RNF213: variants seen among roughly 807,000 people sequenced by gnomAD.
The protein encoded by RNF213 is E3 ubiquitin-protein ligase RNF213.
In RNF213, 341 loss-of-function variants were observed where a neutral mutation model predicts 514.4. The ratio of observed to expected loss-of-function variants is 0.66; its 90% CI spans 0.61 to 0.73. RNF213 has a LOEUF of 0.73. Ranked by LOEUF, RNF213 falls within the 30% of genes least tolerant of loss-of-function variation. The pLI is 0.00. For synonymous variants in RNF213, 2,655 were observed against 2,658.2 expected (o/e 1.00, Z 0.04); for missense variants, 5,767 against 6,615.6 (o/e 0.87, Z 4.45).
Position 80,358,403 on chromosome 17 carries a change from T to G in RNF213, c.10978T>G (p.Trp3660Gly), listed in dbSNP as rs2078913258. The stretch of plus-strand genomic sequence containing the variant: ...ACTGACCAGGCCAGATACTCCGCCC[T>G]GGGCAAGAGATCTTTGGATGTTTAT... ...ELLTRPDTPP[W>G]ARDLWMFIFS... The change falls in exon 37 of 68, where the codon TGG (tryptophan) becomes GGG (glycine). Residue 3660 changes from tryptophan (W) to glycine (G), a missense_variant. Physicochemically the swap from Trp to Gly is radical, Grantham distance 184. Transcript: ENST00000582970. The G allele has an allele frequency of 1.2e-6, 2 of 1,614,076 alleles. No homozygotes were observed. Among genetic ancestry groups the G allele is most frequent in the South Asian group, 2.2e-5 (2 of 91,094 alleles).
chr17:80,317,327 G>A lies in RNF213; in HGVS notation c.2901+50G>A, dbSNP rs764982473. On this transcript the variant is annotated intron_variant, in intron 16 of 67. Transcript: ENST00000582970. This position sits in a 1 kb window ranked among gnomAD's most constrained non-coding sequence, Gnocchi z 4.1. Reference sequence around the variant, plus strand: ...TTTCAGGGCGTGAAGGCAAGCTGGAGAACCCCAGACCATTAGCGACAGCCA... The same window carrying A: ...TTTCAGGGCGTGAAGGCAAGCTGGAAAACCCCAGACCATTAGCGACAGCCA... 2.6e-6 allele frequency: 4 copies of A among 1,550,274 alleles called. No individual in the cohort carries two copies. The highest frequency in any genetic ancestry group is 2.7e-5 in the African/African-American group (2 of 74,046).
chr17:80,297,232 A>G (rs1366038475), intron 10 of RNF213, among the ~76,000 whole-genome samples: 1 of 149,684 alleles, frequency 6.7e-6, no homozygotes, highest in African/African-American at 2.5e-5. Context: ...CAGGCGGATC[A>G]CAAGGTCAGG....
In RNF213 at chr17:80,358,326, C is replaced by A. The variant is rs765991711; in HGVS notation, c.10901C>A (p.Pro3634His). 19 of 1,614,164 alleles carry A rather than the reference C, an allele frequency of 1.2e-5. No homozygotes were observed. The South Asian group carries it at 1.4e-4, about 12-fold the overall frequency. ...AAGCGGGTCCAAGGTGCTGTCACCC[C>A]TCTGCTGGCGAGCATGATATCATTC... ...LWKRVQGAVTPLLASMISFID... is the reference protein window; with the variant it reads ...LWKRVQGAVTHLLASMISFID... The change falls in exon 37 of 68, where the codon CCT becomes CAT. Residue 3634 changes from proline (P) to histidine (H), a missense_variant. Pro to His is a moderately conservative substitution (Grantham distance 77). Around this residue, in one of 13 missense-constraint regions of RNF213, gnomAD observed 919 missense variants for 1,121.0 expected, o/e 0.82. Transcript: ENST00000582970.
chr17:80,295,620 A>T lies in RNF213; in HGVS notation c.1819A>T (p.Thr607Ser), dbSNP rs747745442. 3 of 1,614,062 alleles carry T rather than the reference A, an allele frequency of 1.9e-6. No individual in the cohort carries two copies. In the African/African-American group the frequency reaches 4.0e-5, roughly 22 times the overall value. ...HVVPLPDGKSTDFLPVDCPVR... is the reference protein window; with the variant it reads ...HVVPLPDGKSSDFLPVDCPVR... ...GGTACCATTGCCGGACGGAAAAAGC[A>T]CGGACTTTTTGCCTGTGGACTGCCC... Residue 607 changes from threonine (T) to serine (S), a missense_variant, in exon 10 of 68, where the codon ACG becomes TCG. Thr to Ser is a moderately conservative substitution (Grantham distance 58). Around this residue, in one of 13 missense-constraint regions of RNF213, gnomAD observed 592 missense variants for 673.9 expected, o/e 0.88. Coordinates refer to ENST00000582970, the MANE Select transcript of RNF213 (RefSeq NM_001256071.3).
chr17:80,340,795 T>A (rs1161276766), intron 26 of RNF213: 8 of 162,038 alleles, frequency 4.9e-5, no homozygotes, highest in African/African-American at 1.7e-4. Flanking sequence ...TAATTTATTT[T>A]TTTTTGTTTT....
At position 80,339,853 on chromosome 17, in the gene RNF213, A is replaced by G. The variant is rs968688619; in HGVS notation, c.5486A>G (p.Gln1829Arg). 22 of 1,536,224 alleles carry G rather than the reference A, an allele frequency of 1.4e-5. No homozygotes were observed. In the African/African-American group the frequency reaches 2.9e-4, roughly 20 times the overall value. ...CTCCCGAGAGGTCTGCAGGTCGGCC[A>G]GCCCAACCTCGTCGTCTGTGGCCAC... Reference protein sequence around the residue: ...RCLPRGLQVGQPNLVVCGHSE... With the variant: ...RCLPRGLQVGRPNLVVCGHSE... The change falls in exon 26 of 68, where the codon CAG (glutamine) becomes CGG (arginine). Residue 1829 changes from glutamine to arginine, a missense_variant. Gln to Arg is a conservative substitution (Grantham distance 43). Around this residue, in one of 13 missense-constraint regions of RNF213, gnomAD observed 1,377 missense variants for 1,635.2 expected, o/e 0.84. Transcript: ENST00000582970.
chr17:80,367,912 T>G, intron 43 of RNF213, 49 bp from the exon 44 acceptor site: 1 of 1,613,988 alleles, frequency 6.2e-7, no homozygotes. Flanking sequence ...TTTCACTTCT[T>G]CTGGCCAGTT....
At chr17:80,311,900 G>A (rs1045222538) in intron 14 of RNF213, among the ~76,000 whole-genome samples, 1 of 152,210 alleles carries the variant, frequency 6.6e-6, no homozygotes, top group Non-Finnish European at 1.5e-5. Context: ...GCCAAAGCAG[G>A]CAGATAACCA....
intron 46 of RNF213, 103 bp from the exon 47 acceptor site, chr17:80,371,767 TACAC>T (rs111992928): frequency 2.1e-5 from 14 of 668,214 alleles, no homozygotes; most frequent in Non-Finnish European, 3.0e-5. Context: ...TATATGTTTA[TACAC>T]ACACACACAC....
chr17:80,309,028 G>C lies in RNF213; in HGVS notation c.2512G>C (p.Glu838Gln). 4 of 1,614,088 alleles carry C rather than the reference G, an allele frequency of 2.5e-6. No individual in the cohort carries two copies. Among genetic ancestry groups the C allele is most frequent in the Non-Finnish European group, 3.4e-6 (4 of 1,180,014 alleles). Residue 838 changes from glutamate (E) to glutamine (Q), a missense_variant, in exon 14 of 68, where the codon GAG (glutamate) becomes CAG (glutamine). Transcript: ENST00000582970. ...LDTYRDKIPEEALSPSYLTVC... is the reference protein window; with the variant it reads ...LDTYRDKIPEQALSPSYLTVC... ...CTCTTTGCGGGGCAGGATTCCCGAG[G>C]AGGCCTTGTCACCATCCTACCTGAC...
chr17:80,275,359 C>A (rs999974551), intron 3 of RNF213, among the ~76,000 whole-genome samples: 2 of 151,906 alleles, frequency 1.3e-5, no homozygotes, highest in African/African-American at 4.8e-5. Context: ...AGTGGCAGTA[C>A]GGATGGTGTT....
intron 21 of RNF213, among the ~76,000 whole-genome samples, chr17:80,332,939 A>G (rs146850447): frequency 6.6e-6 from 1 of 152,294 alleles, no homozygotes; most frequent in Non-Finnish European, 1.5e-5. Context: ...GGCTCTCTCT[A>G]GGTTACAGAA....
intron 55 of RNF213, among the ~76,000 whole-genome samples, 199 bp from the exon 56 acceptor site, chr17:80,380,632 C>A (rs978267415): frequency 6.6e-6 from 1 of 152,164 alleles, no homozygotes; most frequent in Non-Finnish European, 1.5e-5. Flanking sequence ...GCTGAGAATG[C>A]GGTCGGGTCT....
chr17:80,372,741 C>T lies in RNF213; in HGVS notation c.12751+7C>T. The stretch of plus-strand genomic sequence containing the variant: ...GAGCCTGAGGGAGGCCCAGGCAAGT[C>T]TTCTCTGCCTTGCTTTCCTTTGGGT... On this transcript the variant is annotated splice_region_variant and intron_variant, in intron 48 of 67. Transcript: ENST00000582970. 1 of 1,612,180 alleles carries T rather than the reference C, an allele frequency of 6.2e-7. No individual in the cohort carries two copies. The highest frequency in any genetic ancestry group is 8.5e-7 in the Non-Finnish European group (1 of 1,179,320).
chr17:80,332,097 G>A lies in RNF213; in HGVS notation c.3609G>A (p.Ser1203=), dbSNP rs943130448. ...DTVTVRLSTS[S]NSQRATHYHL... ...TGACAGTGAGACTGTCCACCTCCTCGAACTCGCAGAGGGCAACGCATTACC... is the reference window on the plus strand; with the variant it reads ...TGACAGTGAGACTGTCCACCTCCTCAAACTCGCAGAGGGCAACGCATTACC... The change falls in exon 21 of 68, where the codon TCG becomes TCA. Residue 1203 remains serine (S), a synonymous_variant. Transcript: ENST00000582970. 5.2e-6 allele frequency: 8 copies of A among 1,537,036 alleles called. No individual in the cohort carries two copies. Among genetic ancestry groups the A allele is most frequent in the East Asian group, 4.9e-5 (2 of 40,934 alleles).
rs373648166 is a variant in RNF213 at position 80,379,669 on chromosome 17, T to C, written c.13595T>C (p.Ile4532Thr). Residue 4532 changes from isoleucine to threonine, a missense_variant, in exon 55 of 68, where the codon ATT becomes ACT. Transcript: ENST00000582970. ...ATCTGCATTGACTGCCATGCGCCGATTGGAGGCATTGACCACAAACCTCGG... is the reference window on the plus strand; with the variant it reads ...ATCTGCATTGACTGCCATGCGCCGACTGGAGGCATTGACCACAAACCTCGG... ...QSICIDCHAP[I>T]GGIDHKPRDG... 13 of 1,614,238 alleles carry C rather than the reference T, an allele frequency of 8.1e-6. No individual in the cohort carries two copies. The highest frequency in any genetic ancestry group is 6.7e-5 in the East Asian group (3 of 44,882).
At position 80,346,173 on chromosome 17, in the gene RNF213, G is replaced by T. The variant is rs150096620; in HGVS notation, c.7838G>T (p.Arg2613Leu). The change falls in exon 29 of 68, where the codon CGC becomes CTC. Residue 2613 changes from arginine (R) to leucine (L), a missense_variant. Arg to Leu is a moderately radical substitution (Grantham distance 102, BLOSUM62 -2). Around this residue, in one of 13 missense-constraint regions of RNF213, gnomAD observed 1,377 missense variants for 1,635.2 expected, o/e 0.84. Coordinates refer to ENST00000582970, the MANE Select transcript of RNF213 (RefSeq NM_001256071.3). This position sits in a 1 kb window ranked among gnomAD's most constrained non-coding sequence, Gnocchi z 8.1. ...ATCAGCCTAGATGAAAACGGGACTC[G>T]CGTGATCACAGAAGTCCTCTGCGCC... ...ESISLDENGT[R>L]VITEVLCASQ... The T allele has an allele frequency of 2.5e-6, 4 of 1,614,134 alleles. No homozygotes were observed. The highest frequency in any genetic ancestry group is 1.7e-6 in the Non-Finnish European group (2 of 1,180,006).
At position 80,287,942 on chromosome 17, in the gene RNF213, A is replaced by T; in HGVS notation, c.389A>T (p.Asp130Val). The change falls in exon 4 of 68, where the codon GAC (aspartate) becomes GTC (valine). Residue 130 changes from aspartate (D) to valine (V), a missense_variant. By Grantham distance (152) the Asp-to-Val change is radical (BLOSUM62 -3). Transcript: ENST00000582970. ...TTGCTTTCAAACCCGTGGCCTCAGG[A>T]CACAGCCCTGCCCCACAGCCAAGCC... ...LTLLSNPWPQ[D>V]TALPHSQAQQ... The T allele has an allele frequency of 6.4e-7, 1 of 1,569,532 alleles. No individual in the cohort carries two copies. The highest frequency in any genetic ancestry group is 8.6e-7 in the Non-Finnish European group (1 of 1,157,328).
At chr17:80,268,354 GAAAAAAAAAAAAA>G (rs898719348) in intron 2 of RNF213, among the ~76,000 whole-genome samples, 7 of 73,198 alleles carry the variant, frequency 9.6e-5, no homozygotes, top group East Asian at 4.8e-4. Context: ...CCCTGTCTCA[GAAAAAAAAAAAAA>G]AAAAAAAAAA....
Sources: gnomAD v4.1 joint callset for allele counts (sites outside exome capture counted in the v4.1 genomes callset) on GRCh38, gnomAD v4.1.1 for gene constraint, gnomAD v4.1.1 regional missense constraint, Gnocchi (gnomAD v3.1) non-coding constraint, MANE v1.5 for transcripts, NCBI Gene and HGNC (gene_info 2026-07-23, HGNC 2026-07-21) for gene names.